Variants in DLC1 observed in about 807,000 individuals in gnomAD.
DLC1 encodes the protein DLC1 Rho GTPase activating protein.
In DLC1, 54 loss-of-function variants were observed where a neutral mutation model predicts 140.3. The ratio of observed to expected loss-of-function variants is 0.38; its 90% CI spans 0.31 to 0.48. The LOEUF is 0.48. Ranked by LOEUF, DLC1 falls within the 20% of genes least tolerant of loss-of-function variation. DLC1 has a pLI of 0.96. For missense variants in DLC1, 2,536 were observed against 1,907.0 expected, an observed-to-expected ratio of 1.33 and a Z score of -6.14; for synonymous variants, 986 against 728.1, an observed-to-expected ratio of 1.35 and a Z score of -5.70.
chr8:13,219,795 A>T (rs1327246752), intron 5 of DLC1, among the ~76,000 whole-genome samples: 5 of 152,182 alleles, frequency 3.3e-5, no homozygotes, highest in Admixed American at 3.3e-4. Context: ...TAATGGGTGG[A>T]TAAATTAAAT....
intron 4 of DLC1, among the ~76,000 whole-genome samples, chr8:13,358,428 C>G (rs960898908): frequency 6.6e-6 from 1 of 152,130 alleles, no homozygotes; most frequent in Admixed American, 6.5e-5. Context: ...TGCATTTAGT[C>G]CAAAAAAAGT....
intron 2 of DLC1, among the ~76,000 whole-genome samples, chr8:13,440,625 G>A (rs141634811): frequency 0.019 from 2,933 of 151,842 alleles, 100 homozygotes; most frequent in African/African-American, 0.067. Context: ...ATATGGTTTG[G>A]CTGTGTCACC....
intron 4 of DLC1, among the ~76,000 whole-genome samples, chr8:13,369,913 TAAAAA>T (rs71207148): frequency 7.1e-6 from 1 of 141,594 alleles, no homozygotes. Context: ...ATTTAAAACT[TAAAAA>T]AAAAAAAAAT....
intron 4 of DLC1, among the ~76,000 whole-genome samples, chr8:13,322,595 T>C (rs1833170255): frequency 6.6e-6 from 1 of 152,206 alleles, no homozygotes; most frequent in Non-Finnish European, 1.5e-5. Context: ...ACAGTTTTCT[T>C]AGTTATAAAG....
intron 5 of DLC1, among the ~76,000 whole-genome samples, chr8:13,230,243 A>C (rs1828983941): frequency 6.6e-6 from 1 of 152,190 alleles, no homozygotes; most frequent in Non-Finnish European, 1.5e-5. Flanking sequence ...TATTTTCATA[A>C]ATACCTTGTT....
chr8:13,157,396 G>T (rs1223288757), intron 5 of DLC1, among the ~76,000 whole-genome samples: 1 of 152,196 alleles, frequency 6.6e-6, no homozygotes, highest in Non-Finnish European at 1.5e-5. Context: ...AAGAACATGT[G>T]TTTTTGTAAG....
intron 5 of DLC1, among the ~76,000 whole-genome samples, chr8:13,272,006 C>T (rs1037783540): frequency 2.6e-5 from 4 of 152,180 alleles, no homozygotes; most frequent in East Asian, 1.9e-4. Flanking sequence ...AATAATGTGA[C>T]GTCACATATC....
chr8:13,465,478 T>G (rs1487803267), intron 2 of DLC1, among the ~76,000 whole-genome samples: 2 of 152,190 alleles, frequency 1.3e-5, no homozygotes, highest in African/African-American at 4.8e-5. Context: ...TTAATTTGCA[T>G]TTCTCTGATT....
intron 2 of DLC1, among the ~76,000 whole-genome samples, chr8:13,415,496 T>C (rs1838012935): frequency 6.6e-6 from 1 of 151,692 alleles, no homozygotes; most frequent in African/African-American, 2.4e-5. Context: ...ACCTCCTGGG[T>C]TCATGCCATT....
At chr8:13,310,845 T>A (rs1364147947) in intron 4 of DLC1, among the ~76,000 whole-genome samples, 1 of 152,218 alleles carries the variant, frequency 6.6e-6, no homozygotes, top group African/African-American at 2.4e-5. Context: ...CTCTTCTTGA[T>A]GGAGAGGGAT....
At chr8:13,528,389 A>G (rs1222339666) in intron 1 of DLC1, among the ~76,000 whole-genome samples, 1 of 152,172 alleles carries the variant, frequency 6.6e-6, no homozygotes, top group Non-Finnish European at 1.5e-5. Flanking sequence ...ATCTGATTGT[A>G]AGTTGAAGAA....
intron 1 of DLC1, among the ~76,000 whole-genome samples, chr8:13,542,306 A>C (rs1308871092): frequency 1.3e-5 from 2 of 152,166 alleles, no homozygotes; most frequent in African/African-American, 4.8e-5. Context: ...TTGAAAGGAC[A>C]ATTCTTTCTT....
At position 13,555,328 on chromosome 8, in the gene DLC1, G is replaced by GTT. The variant is rs542298860; in HGVS notation, c.-126+49207_-126+49208dup. On this transcript the variant is annotated intron_variant, in intron 1 of 1. Transcript: ENST00000631382. Reference sequence around the variant, plus strand: ...TCCATGAGGACAGCCTTTCTTGTATGTTTTTTTTTTAATAAGGTATTTCAA... The same window carrying GTT: ...TCCATGAGGACAGCCTTTCTTGTATGTTTTTTTTTTTTAATAAGGTATTTCAA... Among the ~76,000 whole-genome samples, 255 of 148,260 alleles carry GTT rather than the reference G, an allele frequency of 1.7e-3. 1 individual carries two copies. Among genetic ancestry groups the GTT allele is most frequent in the African/African-American group, 6.0e-3 (245 of 40,506 alleles).
intron 5 of DLC1, among the ~76,000 whole-genome samples, chr8:13,222,609 C>G (rs1828608875): frequency 6.6e-6 from 1 of 152,196 alleles, no homozygotes; most frequent in African/African-American, 2.4e-5. Context: ...ACTCTTGCTT[C>G]TCACCACAGT....
At chr8:13,520,944 A>G (rs1802746210) in intron 1 of DLC1, among the ~76,000 whole-genome samples, 2 of 152,184 alleles carry the variant, frequency 1.3e-5, no homozygotes, top group Non-Finnish European at 2.9e-5. Flanking sequence ...CATGGCCAAA[A>G]AAAGGGTCCA....
At position 13,134,800 on chromosome 8, in the gene DLC1, A is replaced by C. The variant is rs80263503; in HGVS notation, c.1349-19143T>G. Among the ~76,000 whole-genome samples, 88 of 152,298 alleles carry C rather than the reference A, an allele frequency of 5.8e-4. No individual in the cohort carries two copies. In the East Asian group the frequency reaches 0.014, roughly 24 times the overall value. On this transcript the variant is annotated intron_variant, in intron 5 of 17. Coordinates refer to ENST00000276297, the MANE Select transcript of DLC1 (RefSeq NM_182643.3). ...ATAGCAAGACTCCATCTGTACAAAA[A>C]TAAATAAATAAATAAGCTAACTTCC...
intron 5 of DLC1, among the ~76,000 whole-genome samples, chr8:13,277,718 A>G (rs1177703104): frequency 6.6e-6 from 1 of 152,022 alleles, no homozygotes; most frequent in Non-Finnish European, 1.5e-5. Context: ...AGCAAATCTT[A>G]CCTTATAATG....
intron 5 of DLC1, among the ~76,000 whole-genome samples, chr8:13,175,245 G>T (rs1175107014): frequency 4.0e-5 from 6 of 148,954 alleles, no homozygotes; most frequent in Non-Finnish European, 8.9e-5. Context: ...GTACCATGTG[G>T]TTTTGGCTAC....
rs191904737 is a variant in DLC1 at position 13,499,060 on chromosome 8, G to A, written c.1012C>T (p.Arg338Cys). The change falls in exon 2 of 18, where the codon CGT becomes TGT. Residue 338 changes from arginine to cysteine, a missense_variant. By Grantham distance (180) the Arg-to-Cys change is radical (BLOSUM62 -3). Coordinates refer to ENST00000276297, the MANE Select transcript of DLC1 (RefSeq NM_182643.3). ...TGCATATGTCTTACCTTTCTCTTAC[G>A]AAGTCTGACTTGGTTATCTGTGGGT... ...QEPTDNQVRL[R>C]KRKEIREDRD... is the part of the protein sequence containing the mutation. The A allele has an allele frequency of 2.4e-5, 38 of 1,609,416 alleles. No individual in the cohort carries two copies. The highest frequency in any genetic ancestry group is 1.7e-4 in the Middle Eastern group (1 of 6,024).
Sources: gnomAD v4.1 joint callset for allele counts (sites outside exome capture counted in the v4.1 genomes callset) on GRCh38, gnomAD v4.1.1 for gene constraint, MANE v1.5 for transcripts, NCBI Gene and HGNC (gene_info 2026-07-23, HGNC 2026-07-21) for gene names.